Variants in TBXAS1 observed in about 807,000 individuals in gnomAD.
TBXAS1 encodes the protein thromboxane A synthase 1, also known as thromboxane-A synthase.
Under a neutral mutation model 60.7 loss-of-function variants are expected in TBXAS1, and 48 were observed. The ratio of observed to expected loss-of-function variants is 0.79; its 90% CI spans 0.63 to 1.01. The LOEUF (loss-of-function observed/expected upper bound fraction) is 1.01, where lower values mean the gene tolerates loss of function less well. TBXAS1 is among the 50% of genes least tolerant of loss of function. TBXAS1 has a pLI of 0.00. For missense variants in TBXAS1, 685 were observed against 686.3 expected, an observed-to-expected ratio of 1.00 and a Z score of 0.02; for synonymous variants, 287 against 269.7, an observed-to-expected ratio of 1.06 and a Z score of -0.63.
intron 4 of TBXAS1, among the ~76,000 whole-genome samples, chr7:139,824,084 T>A (rs1798373094): frequency 6.6e-6 from 1 of 152,194 alleles, no homozygotes; most frequent in South Asian, 2.1e-4. Context: ...CGGGCAGTTT[T>A]TAAACATAGG....
chr7:139,833,509 C>CAAAAAA (rs56291914), intron 1 of TBXAS1, among the ~76,000 whole-genome samples: 2 of 74,412 alleles, frequency 2.7e-5, no homozygotes, highest in Non-Finnish European at 5.7e-5. Context: ...ACTAAAAATA[C>CAAAAAA]AAAAAAAAAA....
At chr7:139,986,793 GTGTGTGTA>G in intron 9 of TBXAS1, among the ~76,000 whole-genome samples, 1 of 40,174 alleles carries the variant, frequency 2.5e-5, no homozygotes, top group African/African-American at 9.3e-5. Flanking sequence ...GTGTGTGTGT[GTGTGTGTA>G]TATATATATA....
intron 4 of TBXAS1, among the ~76,000 whole-genome samples, chr7:139,794,339 A>G (rs1309691276): frequency 1.3e-5 from 2 of 152,044 alleles, no homozygotes; most frequent in Admixed American, 6.6e-5. Context: ...ACCTCAAGCA[A>G]TCCATCTACC....
intron 4 of TBXAS1, among the ~76,000 whole-genome samples, chr7:139,921,657 C>T (rs964636194): frequency 6.6e-6 from 1 of 152,206 alleles, no homozygotes; most frequent in Non-Finnish European, 1.5e-5. Flanking sequence ...GAGCTATGAT[C>T]GTGCCACTGC....
chr7:139,840,373 A>G (rs1799355112), intron 1 of TBXAS1, among the ~76,000 whole-genome samples: 1 of 152,096 alleles, frequency 6.6e-6, no homozygotes, highest in African/African-American at 2.4e-5. Context: ...TTTGCCCACC[A>G]TTTCCCAACT....
In TBXAS1 at chr7:140,004,237, G is replaced by A. The variant is rs1435302141; in HGVS notation, c.1135-2854G>A. Among the ~76,000 whole-genome samples the A allele has an allele frequency of 6.6e-6, 1 of 152,228 alleles. No individual in the cohort carries two copies. Among genetic ancestry groups the A allele is most frequent in the African/African-American group, 2.4e-5 (1 of 41,450 alleles). On this transcript the variant is annotated intron_variant, in intron 9 of 12. Coordinates refer to ENST00000448866, the MANE Select transcript of TBXAS1 (RefSeq NM_001061.7). The surrounding 1 kb of genome is among the most constrained non-coding windows in gnomAD (Gnocchi z 5.1). ...CCCAGTGAGAAATAAAAGCGTGGTA[G>A]CCTTTATTCCCAAAGCAGGGGGACG... is the stretch of plus-strand genomic sequence containing the variant.
intron 9 of TBXAS1, among the ~76,000 whole-genome samples, chr7:140,005,389 A>G (rs1019893633): frequency 1.3e-5 from 2 of 152,104 alleles, no homozygotes; most frequent in South Asian, 4.1e-4. Flanking sequence ...AGATCACACC[A>G]CTGCACTCCA....
intron 4 of TBXAS1, among the ~76,000 whole-genome samples, chr7:139,805,631 T>TTCCCTCCC (rs371429055): frequency 3.4e-4 from 52 of 150,754 alleles, no homozygotes; most frequent in Non-Finnish European, 5.9e-4. Flanking sequence ...CCTTCTTTCC[T>TTCCCTCCC]TCCCTCCCTC....
At chr7:139,886,386 ATTTTTTTTTTTTTT>A (rs8192818) in intron 3 of TBXAS1, among the ~76,000 whole-genome samples, 7 of 99,636 alleles carry the variant, frequency 7.0e-5, no homozygotes, top group Non-Finnish European at 1.2e-4. Flanking sequence ...TTGCAGATGA[ATTTTTTTTTTTTTT>A]TTTTTTTTTT....
chr7:140,002,404 G>A (rs1231835812), intron 9 of TBXAS1, among the ~76,000 whole-genome samples: 2 of 152,260 alleles, frequency 1.3e-5, no homozygotes, highest in African/African-American at 2.4e-5. Context: ...AAGGAAGGAT[G>A]GCTGGGAGGA....
At chr7:139,837,402 G>A (rs1397519030) in intron 1 of TBXAS1, among the ~76,000 whole-genome samples, 1 of 152,174 alleles carries the variant, frequency 6.6e-6, no homozygotes, top group African/African-American at 2.4e-5. Context: ...CAAAATCATG[G>A]AACCAACCCA....
intron 7 of TBXAS1, among the ~76,000 whole-genome samples, chr7:139,957,090 C>T (rs963635284): frequency 1.3e-5 from 2 of 152,208 alleles, no homozygotes; most frequent in African/African-American, 4.8e-5. Context: ...CCATGCTGCA[C>T]CCAGGGGCCG....
intron 4 of TBXAS1, among the ~76,000 whole-genome samples, chr7:139,814,420 T>C (rs1478017738): frequency 1.3e-5 from 2 of 152,182 alleles, no homozygotes; most frequent in Admixed American, 1.3e-4. Context: ...TAGCCTTATC[T>C]TGGCCTAAGT....
intron 4 of TBXAS1, among the ~76,000 whole-genome samples, chr7:139,802,682 G>A (rs747968457): frequency 1.3e-4 from 20 of 152,186 alleles, no homozygotes; most frequent in Non-Finnish European, 2.6e-4. Context: ...CTACTCCAGA[G>A]GCTGAGGCAG....
intron 4 of TBXAS1, among the ~76,000 whole-genome samples, chr7:139,822,479 C>T (rs1217519456): frequency 6.6e-6 from 1 of 152,122 alleles, no homozygotes; most frequent in Non-Finnish European, 1.5e-5. Context: ...AATTATTTCC[C>T]TACTTCAGAT....
At chr7:139,984,052 T>C (rs577637303) in intron 9 of TBXAS1, among the ~76,000 whole-genome samples, 1 of 152,250 alleles carries the variant, frequency 6.6e-6, no homozygotes, top group Non-Finnish European at 1.5e-5. Context: ...TGTGATGAAG[T>C]AGGATGAAGA....
chr7:139,780,734 C>G (rs1293964983), intron 1 of TBXAS1: 1 of 154,148 alleles, frequency 6.5e-6, no homozygotes, highest in Admixed American at 6.5e-5. Flanking sequence ...TCTCATCTTT[C>G]CTTAGGCTCA....
intron 3 of TBXAS1, among the ~76,000 whole-genome samples, chr7:139,883,610 C>A (rs1802861246): frequency 6.6e-6 from 1 of 152,112 alleles, no homozygotes; most frequent in Non-Finnish European, 1.5e-5. Context: ...AGTTAAAATC[C>A]CAGCTTCAAC....
At chr7:139,826,108 G>A (rs1246603736), upstream of TBXAS1, among the ~76,000 whole-genome samples, 2 of 152,052 alleles carry the variant, frequency 1.3e-5, no homozygotes, top group African/African-American at 4.8e-5. Context: ...CCGTGACCAC[G>A]ATGAGTCACC....
Sources: gnomAD v4.1 joint callset for allele counts (sites outside exome capture counted in the v4.1 genomes callset) on GRCh38, gnomAD v4.1.1 for gene constraint, Gnocchi (gnomAD v3.1) non-coding constraint, MANE v1.5 for transcripts, NCBI Gene and HGNC (gene_info 2026-07-23, HGNC 2026-07-21) for gene names.